Variants in PAPPA2 observed in about 807,000 individuals in gnomAD.
PAPPA2 encodes pappalysin-2.
In PAPPA2, 86 loss-of-function variants were observed where a neutral mutation model predicts 176.4. The observed-to-expected ratio is 0.49, with a 90% CI of 0.41 to 0.58. The LOEUF is 0.58. Ranked by LOEUF, PAPPA2 falls within the 20% of genes least tolerant of loss-of-function variation. PAPPA2 has a pLI of 0.00. For synonymous variants in PAPPA2, 809 were observed against 852.2 expected (o/e 0.95, Z 0.88); for missense variants, 2,073 against 2,256.9 (o/e 0.92, Z 1.65).
Position 176,556,060 on chromosome 1 carries a change from A to G in PAPPA2, c.-263A>G. ...AACTTCGTTCTGCAAGGACTAAAGT[A>G]CAGCAAGAGGAGAGAGGTCAAGCGA... On this transcript the variant is annotated 5_prime_UTR_variant, in exon 2 of 23. Transcript: ENST00000367662. The G allele has an allele frequency of 2.2e-6, 1 of 451,794 alleles. No individual in the cohort carries two copies. The highest frequency in any genetic ancestry group is 3.9e-6 in the Non-Finnish European group (1 of 256,282). The allele number at this position is 451,794 out of a possible 1,614,324, so 28.0% of individuals were successfully genotyped here. A position where few individuals can be genotyped will look rare whatever the true frequency, so the allele number is the denominator to read the frequency against.
chr1:176,561,805 T>G (rs1215354395), intron 2 of PAPPA2, among the ~76,000 whole-genome samples: 1 of 152,170 alleles, frequency 6.6e-6, no homozygotes, highest in African/African-American at 2.4e-5. Flanking sequence ...AAGACATACC[T>G]GAGACTGGGT....
Position 176,699,410 on chromosome 1 carries a change from G to T in PAPPA2, c.3057G>T (p.Gly1019=), listed in dbSNP as rs781417880. 6.2e-7 allele frequency: 1 copy of T among 1,614,104 alleles called. No homozygotes were observed. The highest frequency in any genetic ancestry group is 8.5e-7 in the Non-Finnish European group (1 of 1,180,014). Residue 1019 remains glycine, a synonymous_variant, in exon 8 of 23, where the codon GGG becomes GGT. Coordinates refer to ENST00000367662, the MANE Select transcript of PAPPA2 (RefSeq NM_020318.3). The part of the protein sequence containing the change: ...IKLHVDGKVS[G]VKVYTFDERI... ...TGCACGTGGATGGGAAGGTGTCGGG[G>T]GTGAAAGTCTACACCTTTGATGAGA...
chr1:176,753,841 T>C (rs192550365), intron 14 of PAPPA2, among the ~76,000 whole-genome samples: 2 of 152,232 alleles, frequency 1.3e-5, no homozygotes, highest in East Asian at 3.9e-4. Flanking sequence ...GCTGTTCAAC[T>C]GCTCCCTTGC....
At position 176,595,010 on chromosome 1, in the gene PAPPA2, C is replaced by T. The variant is rs955165196; in HGVS notation, c.1406C>T (p.Pro469Leu). The stretch of plus-strand genomic sequence containing the variant: ...GAGCCTGTGAACACAGAGTGGGTTC[C>T]CTTTAGAGATGAGAAGTACCCACGA... ...SFEPVNTEWV[P>L]FRDEKYPRLE... The change falls in exon 3 of 23, where the codon CCC (proline) becomes CTC (leucine). Residue 469 changes from proline to leucine, a missense_variant. Physicochemically the swap from Pro to Leu is moderately conservative, Grantham distance 98. Around this residue, in one of 4 missense-constraint regions of PAPPA2, gnomAD observed 1,196 missense variants for 1,330.4 expected, o/e 0.90. Coordinates refer to ENST00000367662, the MANE Select transcript of PAPPA2 (RefSeq NM_020318.3). 2.5e-6 allele frequency: 4 copies of T among 1,614,120 alleles called. No individual in the cohort carries two copies. Among genetic ancestry groups the T allele is most frequent in the Non-Finnish European group, 3.4e-6 (4 of 1,180,024 alleles).
At chr1:176,666,639 C>A (rs1658671539) in intron 3 of PAPPA2, among the ~76,000 whole-genome samples, 1 of 135,686 alleles carries the variant, frequency 7.4e-6, no homozygotes, top group Admixed American at 7.2e-5. Flanking sequence ...AAGAGAGAGA[C>A]CCAGTGACCC....
intron 1 of PAPPA2, among the ~76,000 whole-genome samples, chr1:176,551,518 C>T (rs1354137006): frequency 6.6e-6 from 1 of 152,160 alleles, no homozygotes; most frequent in Non-Finnish European, 1.5e-5. Context: ...CTCTCGCTCT[C>T]TCTCTCGTTC....
At chr1:176,596,876 A>T (rs77696550) in intron 3 of PAPPA2, among the ~76,000 whole-genome samples, 9,179 of 152,308 alleles carry the variant, frequency 0.06, 381 homozygotes, top group Non-Finnish European at 0.085. Context: ...TAATATGTGT[A>T]TGTGGACAAG....
intron 1 of PAPPA2, among the ~76,000 whole-genome samples, chr1:176,476,529 G>A (rs1652135122): frequency 6.6e-6 from 1 of 152,190 alleles, no homozygotes; most frequent in Non-Finnish European, 1.5e-5. Context: ...AGTGGGCCAG[G>A]TCAGTAGCAG....
At chr1:176,696,635 G>T (rs752666841) in intron 7 of PAPPA2, among the ~76,000 whole-genome samples, 17 of 152,310 alleles carry the variant, frequency 1.1e-4, no homozygotes, top group South Asian at 4.1e-4. Flanking sequence ...CAGGATTTTA[G>T]CACCTCCTGA....
chr1:176,499,393 C>G (rs1647824175), intron 1 of PAPPA2, among the ~76,000 whole-genome samples: 1 of 152,178 alleles, frequency 6.6e-6, no homozygotes, highest in Admixed American at 6.5e-5. Flanking sequence ...ATTCAGAATT[C>G]TGCCTCAAAC....
intron 14 of PAPPA2, among the ~76,000 whole-genome samples, chr1:176,758,351 G>C (rs760531030): frequency 2.6e-5 from 4 of 152,108 alleles, no homozygotes; most frequent in Non-Finnish European, 4.4e-5. Flanking sequence ...AGCAGAATGG[G>C]GAGTCAGAAT....
In PAPPA2 at chr1:176,699,175, A is replaced by G; in HGVS notation, c.2822A>G (p.Asn941Ser). Reference protein sequence around the residue: ...WSPEVHLYHMNMTVPCPTEGC... With the variant: ...WSPEVHLYHMSMTVPCPTEGC... ...CCTGAGGTCCACCTGTACCACATGA[A>G]CATGACGGTCCCCTGCCCCACAGAA... Residue 941 changes from asparagine (N) to serine (S), a missense_variant, in exon 8 of 23, where the codon AAC becomes AGC. Around this residue, in one of 4 missense-constraint regions of PAPPA2, gnomAD observed 1,196 missense variants for 1,330.4 expected, o/e 0.90. Transcript: ENST00000367662. The G allele has an allele frequency of 6.2e-7, 1 of 1,614,108 alleles. No homozygotes were observed. The highest frequency in any genetic ancestry group is 8.5e-7 in the Non-Finnish European group (1 of 1,180,010).
intron 3 of PAPPA2, among the ~76,000 whole-genome samples, chr1:176,596,052 G>T (rs1653960510): frequency 1.3e-5 from 2 of 152,180 alleles, no homozygotes; most frequent in Admixed American, 6.5e-5. Flanking sequence ...AATGTGTTAG[G>T]TCTATTTAGT....
At chr1:176,486,024 A>G (rs754020367) in intron 1 of PAPPA2, among the ~76,000 whole-genome samples, 2 of 152,188 alleles carry the variant, frequency 1.3e-5, no homozygotes, top group Non-Finnish European at 2.9e-5. Context: ...AACTAATGGA[A>G]GTTAAGGGTT....
Position 176,671,072 on chromosome 1 carries a change from T to G in PAPPA2, c.2094T>G (p.Gly698=). ...GCTCAGTGCGGGAAGACCTTGCAGG[T>G]GCTGCCACCTGGCCTTGGGACAAGG... ...FASSVREDLA[G]AATWPWDKDA... The change falls in exon 4 of 23, where the codon GGT becomes GGG. Residue 698 remains glycine, a synonymous_variant. Transcript: ENST00000367662. The G allele has an allele frequency of 6.2e-7, 1 of 1,613,922 alleles. No homozygotes were observed. The highest frequency in any genetic ancestry group is 8.5e-7 in the Non-Finnish European group (1 of 1,179,876).
chr1:176,776,084 T>A, intron 17 of PAPPA2, among the ~76,000 whole-genome samples: 1 of 152,294 alleles, frequency 6.6e-6, no homozygotes, highest in Non-Finnish European at 1.5e-5. Flanking sequence ...ATACACATCA[T>A]CATTAATCAC....
chr1:176,819,636 CATT>C (rs1274123900), intron 21 of PAPPA2, among the ~76,000 whole-genome samples: 5 of 152,204 alleles, frequency 3.3e-5, no homozygotes, highest in African/African-American at 9.7e-5. Flanking sequence ...GGATTATCAT[CATT>C]GTCATCCCCG....
chr1:176,477,498 G>A (rs982973646), intron 1 of PAPPA2, among the ~76,000 whole-genome samples: 4 of 152,182 alleles, frequency 2.6e-5, no homozygotes, highest in African/African-American at 9.6e-5. Context: ...TGTAATCCCA[G>A]CACTTTGGGA....
At chr1:176,608,014 A>G (rs1280549980) in intron 3 of PAPPA2, among the ~76,000 whole-genome samples, 3 of 152,224 alleles carry the variant, frequency 2.0e-5, no homozygotes, top group Non-Finnish European at 4.4e-5. Flanking sequence ...AACTGGGGAT[A>G]TCTGAACAAG....
Sources: allele counts gnomAD v4.1 joint callset (sites outside exome capture counted in the v4.1 genomes callset), GRCh38; gene constraint gnomAD v4.1.1; regional missense constraint gnomAD v4.1.1; transcripts MANE v1.5; gene names NCBI Gene and HGNC (gene_info 2026-07-23, HGNC 2026-07-21).